The following LRRC1 variants were observed in gnomAD, a reference collection of about 807,000 sequenced individuals.
LRRC1 encodes leucine-rich repeat-containing protein 1.
A neutral mutation model predicts 69.9 loss-of-function variants in LRRC1; 28 were observed. That is an observed-to-expected ratio of 0.40 (90% CI 0.30 to 0.55). LRRC1 has a LOEUF of 0.55. Among genes scored for constraint, LRRC1 ranks in the 20% least tolerant of loss-of-function variants. The probability of loss-of-function intolerance (pLI) is 0.47; values close to 1 mark genes in which losing one functional copy is unlikely to be tolerated. For synonymous variants in LRRC1, 236 were observed against 240.2 expected, an observed-to-expected ratio of 0.98 and a Z score of 0.16; for missense variants, 498 against 609.0, an observed-to-expected ratio of 0.82 and a Z score of 1.92.
intron 11 of LRRC1, among the ~76,000 whole-genome samples, chr6:53,917,216 G>A (rs1376302367): frequency 6.6e-6 from 1 of 152,154 alleles, no homozygotes; most frequent in Non-Finnish European, 1.5e-5. Flanking sequence ...TGAGTTAGAG[G>A]ATCAGCCAGC....
chr6:53,851,407 A>G lies in LRRC1; in HGVS notation c.277+9180A>G, dbSNP rs116882566. 3.2e-4 allele frequency among the ~76,000 whole-genome samples: 48 copies of G among 152,190 alleles called. No homozygotes were observed. The East Asian group carries it at 8.1e-3, about 26-fold the overall frequency. ...AGGGAAGCCAGGGGTGGAAATTCCA[A>G]TAGAAAGGCAGGAGAAGATGATGTT... On this transcript the variant is annotated intron_variant, in intron 2 of 13. Transcript: ENST00000370888.
At chr6:53,816,236 C>G (rs1764947547) in intron 1 of LRRC1, among the ~76,000 whole-genome samples, 1 of 152,066 alleles carries the variant, frequency 6.6e-6, no homozygotes, top group Non-Finnish European at 1.5e-5. Context: ...GAGCATGGTA[C>G]CAAAATTTAC....
At chr6:53,836,186 T>C (rs1765608178) in intron 1 of LRRC1, among the ~76,000 whole-genome samples, 1 of 152,208 alleles carries the variant, frequency 6.6e-6, no homozygotes, top group South Asian at 2.1e-4. Flanking sequence ...GAGGCCAGCA[T>C]GGATCTTCCA....
At chr6:53,809,636 A>T (rs1032302810) in intron 1 of LRRC1, among the ~76,000 whole-genome samples, 4 of 152,222 alleles carry the variant, frequency 2.6e-5, no homozygotes, top group African/African-American at 9.6e-5. Context: ...AAAAGTTTAT[A>T]TATTCTAAAA....
At chr6:53,846,711 A>G (rs760799243) in intron 2 of LRRC1, among the ~76,000 whole-genome samples, 2 of 152,250 alleles carry the variant, frequency 1.3e-5, no homozygotes, top group Non-Finnish European at 2.9e-5. Flanking sequence ...TGCTGGTAAC[A>G]TTTTGTCTAC....
At chr6:53,891,201 C>G (rs914145989) in intron 4 of LRRC1, among the ~76,000 whole-genome samples, 1 of 152,000 alleles carries the variant, frequency 6.6e-6, no homozygotes, top group South Asian at 2.1e-4. Context: ...CTCCTGCCCC[C>G]CAACTTCCTT....
chr6:53,825,257 G>A (rs1453420518), intron 1 of LRRC1, among the ~76,000 whole-genome samples: 1 of 152,172 alleles, frequency 6.6e-6, no homozygotes, highest in Non-Finnish European at 1.5e-5. Context: ...TGTAATGATG[G>A]AGGTGTGCAC....
chr6:53,832,590 G>C (rs137921238), intron 1 of LRRC1, among the ~76,000 whole-genome samples: 105 of 152,254 alleles, frequency 6.9e-4, no homozygotes, highest in Middle Eastern at 3.4e-3. Context: ...CTGTTTGACT[G>C]CTTTTTGAAA....
At chr6:53,827,926 T>C (rs1765320711) in intron 1 of LRRC1, among the ~76,000 whole-genome samples, 1 of 152,214 alleles carries the variant, frequency 6.6e-6, no homozygotes, top group East Asian at 1.9e-4. Flanking sequence ...GGGCCCTGAA[T>C]GTGAAACTGA....
chr6:53,830,138 A>G (rs1374035226), intron 1 of LRRC1, among the ~76,000 whole-genome samples: 4 of 152,254 alleles, frequency 2.6e-5, no homozygotes, highest in African/African-American at 7.2e-5. Flanking sequence ...CCACTACCCA[A>G]CATTTCTGCA....
chr6:53,814,268 G>A (rs1764885291), intron 1 of LRRC1, among the ~76,000 whole-genome samples: 1 of 152,146 alleles, frequency 6.6e-6, no homozygotes, highest in Admixed American at 6.5e-5. Context: ...TTAGATGGTA[G>A]TGAAACTTTT....
At chr6:53,851,408 T>C (rs996295670) in intron 2 of LRRC1, among the ~76,000 whole-genome samples, 1 of 151,956 alleles carries the variant, frequency 6.6e-6, no homozygotes, top group African/African-American at 2.4e-5. Context: ...GAAATTCCAA[T>C]AGAAAGGCAG....
rs117603051 is a variant in LRRC1 at position 53,896,280 on chromosome 6, T to C, written c.447-218T>C. ...GTAGTCATGACACACTACTCTTTTA[T>C]TAATTATTAATATCTTAAGATTACA... On this transcript the variant is annotated intron_variant, in intron 4 of 13. Transcript: ENST00000370888. 3.2e-3 allele frequency among the ~76,000 whole-genome samples: 481 copies of C among 152,266 alleles called. 7 individuals carry two copies. The East Asian group carries it at 0.041, about 13-fold the overall frequency.
rs142736590 is a variant in LRRC1, at chr6:53,918,742, G to C, written c.1107-756G>C. 3.1e-3 allele frequency among the ~76,000 whole-genome samples: 465 copies of C among 152,320 alleles called. 8 individuals carry two copies. The highest frequency in any genetic ancestry group is 0.01 in the African/African-American group (434 of 41,560). On this transcript the variant is annotated intron_variant, in intron 11 of 13. Transcript: ENST00000370888. ...AGATTCTACTGATTGCAGCCAATCTGTGAAATCTTTGTGCAAACATAAATA... is the reference window on the plus strand; with the variant it reads ...AGATTCTACTGATTGCAGCCAATCTCTGAAATCTTTGTGCAAACATAAATA...
At chr6:53,883,379 C>T (rs1767364588) in intron 4 of LRRC1, among the ~76,000 whole-genome samples, 1 of 152,104 alleles carries the variant, frequency 6.6e-6, no homozygotes, top group South Asian at 2.1e-4. Flanking sequence ...AAAGTATGTG[C>T]CCCTAAAGAA....
At chr6:53,865,783 G>T (rs1766683432) in intron 2 of LRRC1, among the ~76,000 whole-genome samples, 1 of 151,106 alleles carries the variant, frequency 6.6e-6, no homozygotes, top group South Asian at 2.1e-4. Flanking sequence ...GTACAGTGGT[G>T]TGATCTCGGC....
chr6:53,837,581 G>A (rs1765649349), intron 1 of LRRC1, among the ~76,000 whole-genome samples: 1 of 152,134 alleles, frequency 6.6e-6, no homozygotes, highest in South Asian at 2.1e-4. Context: ...TTTTACATTA[G>A]TTGTTCTCCA....
rs546963884 is a variant in LRRC1, at chr6:53,912,986, A to G, written c.991-868A>G. Among the ~76,000 whole-genome samples, 78 of 152,328 alleles carry G rather than the reference A, an allele frequency of 5.1e-4. 2 individuals carry two copies. Among genetic ancestry groups the G allele is most frequent in the African/African-American group, 1.7e-3 (71 of 41,580 alleles). ...AGCTATTTTTCTGCCCTCTTGATTCAGTTTTCCTGACTGTAAAAACCACCG... is the reference window on the plus strand; with the variant it reads ...AGCTATTTTTCTGCCCTCTTGATTCGGTTTTCCTGACTGTAAAAACCACCG... On this transcript the variant is annotated intron_variant, in intron 10 of 13. Coordinates refer to ENST00000370888, the MANE Select transcript of LRRC1 (RefSeq NM_018214.5).
intron 1 of LRRC1, among the ~76,000 whole-genome samples, chr6:53,822,151 G>A (rs572879040): frequency 6.6e-5 from 10 of 152,152 alleles, no homozygotes; most frequent in Admixed American, 4.6e-4. Flanking sequence ...GGCTAGAAAG[G>A]AGTACAGATC....
Sources: allele counts gnomAD v4.1 joint callset (sites outside exome capture counted in the v4.1 genomes callset), GRCh38; gene constraint gnomAD v4.1.1; transcripts MANE v1.5; gene names NCBI Gene and HGNC (gene_info 2026-07-23, HGNC 2026-07-21).